The following AGBL3 variants were observed in gnomAD, a reference collection of about 807,000 sequenced individuals.
AGBL3 encodes the protein AGBL carboxypeptidase 3, also known as cytosolic carboxypeptidase 3.
AGBL3 carries 68 observed loss-of-function variants against 94.5 expected under a neutral mutation model. The observed-to-expected ratio is 0.72, with a 90% CI of 0.59 to 0.88. The LOEUF (loss-of-function observed/expected upper bound fraction) is 0.88. Among genes scored for constraint, AGBL3 ranks in the 40% least tolerant of loss-of-function variants. The pLI is 0.00. For missense variants in AGBL3, 934 were observed against 1,103.8 expected (o/e 0.85, Z 2.18); for synonymous variants, 354 against 370.7 (o/e 0.95, Z 0.52).
chr7:135,040,880 A>AC (rs1333373656), intron 8 of AGBL3, among the ~76,000 whole-genome samples: 1 of 13,072 alleles, frequency 7.6e-5, no homozygotes, highest in Admixed American at 1.5e-3. Context: ...ACACACACAC[A>AC]CACACCACAC....
intron 15 of AGBL3, among the ~76,000 whole-genome samples, chr7:135,102,627 T>G (rs1824017680): frequency 6.6e-6 from 1 of 150,394 alleles, no homozygotes; most frequent in African/African-American, 2.4e-5. Context: ...CTCTTGTGGT[T>G]TTTTTTTTTT....
At chr7:135,107,210 T>C (rs1350690689) in intron 15 of AGBL3, among the ~76,000 whole-genome samples, 1 of 152,152 alleles carries the variant, frequency 6.6e-6, no homozygotes, top group Admixed American at 6.5e-5. Flanking sequence ...TGTCTCAGTC[T>C]CCTCCACTTC....
At chr7:135,101,597 C>A (rs1962522) in intron 15 of AGBL3, among the ~76,000 whole-genome samples, 73,678 of 151,950 alleles carry the variant, frequency 0.48, 18,228 homozygotes, top group South Asian at 0.65. Flanking sequence ...ACATTCTGGT[C>A]ACTTCTGCTT....
At chr7:135,023,319 A>C (rs892752776) in intron 5 of AGBL3, among the ~76,000 whole-genome samples, 2 of 152,136 alleles carry the variant, frequency 1.3e-5, no homozygotes, top group African/African-American at 4.8e-5. Context: ...GTTGATAGAG[A>C]GGTGATGCAG....
rs1003979195 is a variant in AGBL3 at position 135,128,980 on chromosome 7, G to A, written c.2343-5861G>A. 1.7e-5 allele frequency: 27 copies of A among 1,588,824 alleles called. No individual in the cohort carries two copies. In the Admixed American group the frequency reaches 4.3e-4, roughly 26 times the overall value. ...AGTGAATGCATGTACTTCTTGGAGT[G>A]CAGGCATGTGTACTGCAAAGACTGT... On this transcript the variant is annotated intron_variant, in intron 16 of 16. Transcript: ENST00000436302.
At chr7:135,048,570 G>A (rs1349629205) in intron 11 of AGBL3, among the ~76,000 whole-genome samples, 1 of 151,610 alleles carries the variant, frequency 6.6e-6, no homozygotes, top group Non-Finnish European at 1.5e-5. Flanking sequence ...TCTTAGTTAG[G>A]TTTATTCCTA....
intron 11 of AGBL3, among the ~76,000 whole-genome samples, chr7:135,050,664 T>C (rs1817791165): frequency 6.6e-6 from 1 of 152,008 alleles, no homozygotes. Flanking sequence ...TTACATAATA[T>C]CTTTCTTTGT....
At chr7:135,024,451 A>G (rs1814864285) in intron 5 of AGBL3, among the ~76,000 whole-genome samples, 1 of 152,254 alleles carries the variant, frequency 6.6e-6, no homozygotes, top group Non-Finnish European at 1.5e-5. Flanking sequence ...AATACCCTGT[A>G]CAGAGCTTTG....
At chr7:135,044,190 T>C in intron 9 of AGBL3, 39 bp downstream of exon 9, 1 of 1,527,568 alleles carries the variant, frequency 6.5e-7, no homozygotes. Context: ...CTCAAAGCTT[T>C]AAACCAAACA....
chr7:134,989,142 G>A, intron 2 of AGBL3, 108 bp from the exon 3 acceptor site: 1 of 695,266 alleles, frequency 1.4e-6, no homozygotes, highest in South Asian at 1.7e-5. Context: ...GTTTATTAAA[G>A]GTTAAAGACA....
chr7:134,988,083 A>G, intron 2 of AGBL3, 87 bp downstream of exon 2: 2 of 1,010,668 alleles, frequency 2.0e-6, no homozygotes, highest in East Asian at 5.5e-5. Flanking sequence ...TCAATTGGAT[A>G]TAAAAATCAA....
At chr7:135,071,308 G>C (rs147253505) in intron 12 of AGBL3, among the ~76,000 whole-genome samples, 1 of 151,970 alleles carries the variant, frequency 6.6e-6, no homozygotes, top group African/African-American at 2.4e-5. Context: ...CATTTTCATC[G>C]TGAAAATGGC....
Position 135,135,361 on chromosome 7 carries a change from C to A in AGBL3, c.*100C>A. 1 of 1,127,992 alleles carries A rather than the reference C, an allele frequency of 8.9e-7. No individual in the cohort carries two copies. The highest frequency in any genetic ancestry group is 1.2e-6 in the Non-Finnish European group (1 of 838,984). The allele number at this position is 1,127,992 out of a possible 1,614,324, so 69.9% of individuals were successfully genotyped here. ...AGCCCTCCCCTTCCCCTTTCCCTATCTCTCCCCTTACACATGCATATGCAT... is the reference window on the plus strand; with the variant it reads ...AGCCCTCCCCTTCCCCTTTCCCTATATCTCCCCTTACACATGCATATGCAT... On this transcript the variant is annotated 3_prime_UTR_variant, in exon 17 of 17. Coordinates refer to ENST00000436302, the MANE Select transcript of AGBL3 (RefSeq NM_178563.4).
chr7:135,095,447 C>T (rs1027673404), intron 15 of AGBL3, among the ~76,000 whole-genome samples: 1 of 152,120 alleles, frequency 6.6e-6, no homozygotes, highest in African/African-American at 2.4e-5. Context: ...GAATTCCAAG[C>T]CTTTGATACT....
At chr7:135,103,022 A>G (rs986317792) in intron 15 of AGBL3, among the ~76,000 whole-genome samples, 1 of 152,210 alleles carries the variant, frequency 6.6e-6, no homozygotes, top group African/African-American at 2.4e-5. Flanking sequence ...CAACCAATAA[A>G]GGCCTTGTTT....
At chr7:135,048,791 T>C (rs887207092) in intron 11 of AGBL3, among the ~76,000 whole-genome samples, 6 of 150,918 alleles carry the variant, frequency 4.0e-5, no homozygotes, top group African/African-American at 1.5e-4. Flanking sequence ...GTTTTCTATA[T>C]ACATATATAA....
chr7:135,012,524 GC>G (rs1813283215), intron 4 of AGBL3: 1 of 151,846 alleles, frequency 6.6e-6, no homozygotes, highest in Non-Finnish European at 1.5e-5. Flanking sequence ...TTTGTTTTTG[GC>G]CCTGTGAAAT....
chr7:135,034,879 C>T lies in AGBL3; in HGVS notation c.1288C>T (p.Leu430=). 6.5e-7 allele frequency: 1 copy of T among 1,547,538 alleles called. No homozygotes were observed. Among genetic ancestry groups the T allele is most frequent in the Non-Finnish European group, 8.7e-7 (1 of 1,145,274 alleles). ...TTTAAACCGTAATTATACATCTCTCCTGAAGGAATCTTTTCCTTCTGTATG... is the reference window on the plus strand; with the variant it reads ...TTTAAACCGTAATTATACATCTCTCTTGAAGGAATCTTTTCCTTCTGTATG... ...RDLNRNYTSL[L]KESFPSVWYT... Residue 430 remains leucine, a synonymous_variant, in exon 7 of 17, where the codon CTG becomes TTG. Transcript: ENST00000436302.
chr7:135,028,348 T>C lies in AGBL3; in HGVS notation c.419-4496T>C, dbSNP rs536810687. 2.1e-3 allele frequency among the ~76,000 whole-genome samples: 322 copies of C among 152,196 alleles called. 4 individuals are homozygous for C. The highest frequency in any genetic ancestry group is 7.6e-3 in the African/African-American group (316 of 41,570). On this transcript the variant is annotated intron_variant, in intron 5 of 16. Transcript: ENST00000436302. ...CAAAATTGGAGTCAGTCCTATTAAA[T>C]CCTTAGTTTATAACTAATATTATGG...
Sources: allele counts gnomAD v4.1 joint callset (sites outside exome capture counted in the v4.1 genomes callset), GRCh38; gene constraint gnomAD v4.1.1; transcripts MANE v1.5; gene names NCBI Gene and HGNC (gene_info 2026-07-23, HGNC 2026-07-21).